PLIN2: variants seen among roughly 807,000 people sequenced by gnomAD.
PLIN2 encodes the protein perilipin-2.
A neutral mutation model predicts 30.6 loss-of-function variants in PLIN2; 33 were observed. That is an observed-to-expected ratio of 1.08 (90% CI 0.82 to 1.44). The LOEUF (loss-of-function observed/expected upper bound fraction) is 1.44, where lower values mean the gene tolerates loss of function less well. Among genes scored for constraint, PLIN2 ranks in the 40% most tolerant of loss-of-function variants. The probability of loss-of-function intolerance (pLI) is 0.00; values close to 1 mark genes in which losing one functional copy is unlikely to be tolerated. For missense variants in PLIN2, 610 were observed against 531.8 expected (o/e 1.15, Z -1.45); for synonymous variants, 205 against 201.1 (o/e 1.02, Z -0.16).
rs767358359 is a variant in PLIN2 at position 19,119,850 on chromosome 9, GA to G, written c.596-20del. ...TCTTTTTCTGAAGTTAGAAATAAGA[GA>G]CAAAAAAACTTAAGGGATCACAGTG... is the stretch of plus-strand genomic sequence containing the variant. On this transcript the variant is annotated intron_variant, in intron 5 of 7. Transcript: ENST00000276914. 1.3e-6 allele frequency: 2 copies of G among 1,533,702 alleles called. No individual in the cohort carries two copies. Among genetic ancestry groups the G allele is most frequent in the Admixed American group, 3.9e-5 (2 of 51,462 alleles).
At chr9:19,124,055 A>G (rs1317664782) in intron 3 of PLIN2, among the ~76,000 whole-genome samples, 1 of 151,672 alleles carries the variant, frequency 6.6e-6, no homozygotes, top group Non-Finnish European at 1.5e-5. Flanking sequence ...GATCTTATAC[A>G]ACAGAAGGCA....
At chr9:19,114,954 G>A (rs1818201017), downstream of PLIN2, among the ~76,000 whole-genome samples, 1 of 152,166 alleles carries the variant, frequency 6.6e-6, no homozygotes. Context: ...TTCCCAAAAT[G>A]ACAACACAGT....
rs1157479849 is a variant in PLIN2 at position 19,121,080 on chromosome 9, CTGGCCACAGAATCCT to C, written c.380_394del (p.Lys127_Ala131del). 6.2e-7 allele frequency: 1 copy of C among 1,614,036 alleles called. No homozygotes were observed. The highest frequency in any genetic ancestry group is 1.3e-5 in the African/African-American group (1 of 74,930). On this transcript the variant is annotated inframe_deletion, in exon 5 of 8. Coordinates refer to ENST00000276914, the MANE Select transcript of PLIN2 (RefSeq NM_001122.4). Reference sequence around the variant, plus strand: ...CTTGTCCATCACCCCTGTGATCGTGCTGGCCACAGAATCCTTGGCCCCAGTCACAGTAGTCGTCAC... The same window carrying C: ...CTTGTCCATCACCCCTGTGATCGTGCTGGCCCCAGTCACAGTAGTCGTCAC...
chr9:19,108,978 C>CT (rs927765645), intron 2 of PLIN2, among the ~76,000 whole-genome samples: 3 of 152,100 alleles, frequency 2.0e-5, no homozygotes, highest in Non-Finnish European at 2.9e-5. Context: ...GTCAATGAAG[C>CT]TTTTTTAAAA....
In PLIN2 at chr9:19,115,781, G is replaced by A. The variant is rs572881036; in HGVS notation, c.*467C>T. 1.8e-3 allele frequency: 290 copies of A among 157,050 alleles called. No individual in the cohort carries two copies. The highest frequency in any genetic ancestry group is 9.4e-3 in the South Asian group (49 of 5,208). 9.7% of individuals were successfully genotyped at this position (157,050 alleles called of 1,614,324 possible). On this transcript the variant is annotated 3_prime_UTR_variant, in exon 8 of 8. Transcript: ENST00000276914. ...GCATGTAACTGGTCTATCCTGCAGT[G>A]AATTTTATTGAATTCAAAGGTAGTA...
chr9:19,122,951 C>T (rs1304459762), intron 4 of PLIN2, among the ~76,000 whole-genome samples: 2 of 152,148 alleles, frequency 1.3e-5, no homozygotes, highest in South Asian at 2.1e-4. Context: ...CTGTGATGTT[C>T]ACACAATGGC....
In PLIN2 at chr9:19,116,168, G is replaced by A; in HGVS notation, c.*80C>T. 1 of 1,369,940 alleles carries A rather than the reference G, an allele frequency of 7.3e-7. No homozygotes were observed. The highest frequency in any genetic ancestry group is 9.9e-7 in the Non-Finnish European group (1 of 1,012,298). The allele number at this position is 1,369,940 out of a possible 1,614,324, so 84.9% of individuals were successfully genotyped here. A position where few individuals can be genotyped will look rare whatever the true frequency, so the allele number is the denominator to read the frequency against. ...ACTAGCTACTTGCTTCCCAATTTAGGGTTGCCTAGCAAGTTAATTTCAACA... is the reference window on the plus strand; with the variant it reads ...ACTAGCTACTTGCTTCCCAATTTAGAGTTGCCTAGCAAGTTAATTTCAACA... On this transcript the variant is annotated 3_prime_UTR_variant, in exon 8 of 8. Transcript: ENST00000276914.
chr9:19,126,921 T>A (rs763514425), intron 1 of PLIN2, among the ~76,000 whole-genome samples: 1 of 151,884 alleles, frequency 6.6e-6, no homozygotes, highest in Non-Finnish European at 1.5e-5. Context: ...GGGCGCCTGT[T>A]ATCCCAGCTG....
intron 5 of PLIN2, among the ~76,000 whole-genome samples, 173 bp downstream of exon 5, chr9:19,120,707 T>A (rs1292183555): frequency 6.6e-6 from 1 of 152,158 alleles, no homozygotes; most frequent in African/African-American, 2.4e-5. Context: ...TAAAAAGGAC[T>A]GACTGCAAAC....
intron 7 of PLIN2, among the ~76,000 whole-genome samples, chr9:19,117,914 G>C (rs957747048): frequency 5.9e-5 from 9 of 152,282 alleles, no homozygotes; most frequent in Admixed American, 5.9e-4. Context: ...ATCGCGCCCA[G>C]CCAATAGTAC....
At chr9:19,117,864 G>T (rs1047475914) in intron 7 of PLIN2, among the ~76,000 whole-genome samples, 1 of 152,044 alleles carries the variant, frequency 6.6e-6, no homozygotes, top group Non-Finnish European at 1.5e-5. Context: ...TGATCTACCC[G>T]CCTCGGCCTC....
chr9:19,108,686 G>A (rs1818122460), exon 3 of PLIN2: 1 of 152,640 alleles, frequency 6.6e-6, no homozygotes, highest in Non-Finnish European at 1.5e-5. Context: ...CTCTTCCAAA[G>A]CTATAATATC....
intron 5 of PLIN2, 34 bp from the exon 6 acceptor site, chr9:19,119,865 G>C (rs781109834): frequency 1.4e-6 from 2 of 1,437,364 alleles, no homozygotes; most frequent in Admixed American, 3.9e-5. Flanking sequence ...AAAAACTTAA[G>C]GGATCACAGT....
At chr9:19,119,010 G>A (rs1267018042) in intron 6 of PLIN2, among the ~76,000 whole-genome samples, 3 of 152,160 alleles carry the variant, frequency 2.0e-5, no homozygotes, top group Non-Finnish European at 4.4e-5. Flanking sequence ...AAAATTTAAT[G>A]TGTACATGAG....
Position 19,116,390 on chromosome 9 carries a change from T to A in PLIN2, c.1172A>T (p.Tyr391Phe). 1 of 1,614,216 alleles carries A rather than the reference T, an allele frequency of 6.2e-7. No individual in the cohort carries two copies. Among genetic ancestry groups the A allele is most frequent in the South Asian group, 1.1e-5 (1 of 91,090 alleles). ...MKESLDDVMD[Y>F]LVNNTPLNWL... ...GTTGAGGGGCGTGTTGTTAACAAGA[T>A]AATCCATCACGTCATCTAAAGATTC... The change falls in exon 8 of 8, where the codon TAT (tyrosine) becomes TTT (phenylalanine). Residue 391 changes from tyrosine (Y) to phenylalanine (F), a missense_variant. Transcript: ENST00000276914.
chr9:19,124,392 G>C (rs1346447647), intron 3 of PLIN2, among the ~76,000 whole-genome samples: 1 of 152,090 alleles, frequency 6.6e-6, no homozygotes, highest in East Asian at 1.9e-4. Flanking sequence ...GAAAGAGTAT[G>C]CCAAGACCAC....
chr9:19,110,044 G>T (rs1377086645), intron 2 of PLIN2, among the ~76,000 whole-genome samples: 1 of 151,968 alleles, frequency 6.6e-6, no homozygotes, highest in Non-Finnish European at 1.5e-5. Context: ...TTTTGTTTTA[G>T]ATGGAGTTTC....
intron 2 of PLIN2, among the ~76,000 whole-genome samples, chr9:19,110,223 TC>T (rs1818140704): frequency 6.6e-6 from 1 of 151,922 alleles, no homozygotes; most frequent in Non-Finnish European, 1.5e-5. Flanking sequence ...AGATGGGGTT[TC>T]ACCATGTTGG....
chr9:19,123,252 G>A, intron 4 of PLIN2: 1 of 1,062,276 alleles, frequency 9.4e-7, no homozygotes, highest in Non-Finnish European at 1.4e-6. Flanking sequence ...TATCACGTCT[G>A]CATTTATTTA....
Sources: allele counts gnomAD v4.1 joint callset (sites outside exome capture counted in the v4.1 genomes callset), GRCh38; gene constraint gnomAD v4.1.1; transcripts MANE v1.5; gene names NCBI Gene and HGNC (gene_info 2026-07-23, HGNC 2026-07-21).